Variants in SAMD5 observed in about 807,000 individuals in gnomAD.
SAMD5 encodes sterile alpha motif domain-containing protein 5.
Under a neutral mutation model 11.3 loss-of-function variants are expected in SAMD5, and 13 were observed. That is an observed-to-expected ratio of 1.15 (90% CI 0.75 to 1.83). SAMD5 has a LOEUF of 1.83. SAMD5 is among the 40% of genes most tolerant of loss of function. SAMD5 has a pLI of 0.00. For synonymous variants in SAMD5, 129 were observed against 111.3 expected (o/e 1.16, Z -1.00); for missense variants, 255 against 239.1 (o/e 1.07, Z -0.44).
chr6:147,668,242 A>C (rs1008241217), intron 1 of SAMD5, among the ~76,000 whole-genome samples: 1 of 152,208 alleles, frequency 6.6e-6, no homozygotes, highest in East Asian at 1.9e-4. Context: ...ACGTATGTAG[A>C]TCAGAAATAG....
the SAMD5 span, among the ~76,000 whole-genome samples, chr6:147,767,555 C>T: frequency 6.7e-5 from 10 of 149,458 alleles, no homozygotes; most frequent in African/African-American, 5.0e-5. Flanking sequence ...ATGAGTTTGT[C>T]GGGGTGGGGA....
chr6:147,866,840 A>G, the SAMD5 span, among the ~76,000 whole-genome samples: 2 of 152,214 alleles, frequency 1.3e-5, no homozygotes, highest in African/African-American at 4.8e-5. Context: ...AGAGAAGGGC[A>G]CAGTAGCATT....
At chr6:147,904,409 C>A in the SAMD5 span, among the ~76,000 whole-genome samples, 5 of 152,204 alleles carry the variant, frequency 3.3e-5, no homozygotes, top group Non-Finnish European at 7.3e-5. Flanking sequence ...GATGGCAGAG[C>A]CAGTGCCTAG....
chr6:147,949,499 G>A, the SAMD5 span, among the ~76,000 whole-genome samples: 1 of 152,138 alleles, frequency 6.6e-6, no homozygotes, highest in African/African-American at 2.4e-5. Context: ...CACTTTATTT[G>A]GGATAAAGTC....
At chr6:147,708,703 A>G (rs2128458343) in intron 1 of SAMD5, among the ~76,000 whole-genome samples, 1 of 152,342 alleles carries the variant, frequency 6.6e-6, no homozygotes, top group South Asian at 2.1e-4. Flanking sequence ...CTGCAAACAT[A>G]AGAGCATTTA....
At chr6:147,896,755 A>ACAAACAAAC in the SAMD5 span, among the ~76,000 whole-genome samples, 91 of 142,462 alleles carry the variant, frequency 6.4e-4, 2 homozygotes, top group African/African-American at 2.5e-3. Context: ...AAAAAAAAAA[A>ACAAACAAAC]AAAAAAAACG....
At chr6:147,602,900 C>T (rs113721244) in intron 1 of SAMD5, among the ~76,000 whole-genome samples, 1,570 of 152,004 alleles carry the variant, frequency 0.01, 14 homozygotes, top group Middle Eastern at 0.027. Context: ...TGTGTGGTTG[C>T]GGAGGCTGAG....
chr6:147,828,883 A>C, the SAMD5 span, among the ~76,000 whole-genome samples: 19 of 152,318 alleles, frequency 1.2e-4, no homozygotes, highest in East Asian at 3.5e-3. Context: ...CTGAAGACAC[A>C]AAGGTACCAT....
chr6:147,915,047 G>T, the SAMD5 span, among the ~76,000 whole-genome samples: 1 of 152,124 alleles, frequency 6.6e-6, no homozygotes, highest in Non-Finnish European at 1.5e-5. Context: ...CCCTAGACTA[G>T]GTCCTGTACT....
chr6:147,907,821 G>C, the SAMD5 span, among the ~76,000 whole-genome samples: 2 of 152,140 alleles, frequency 1.3e-5, no homozygotes, highest in Non-Finnish European at 2.9e-5. Context: ...TTTCAGTTGT[G>C]CTATTATTCT....
At chr6:147,874,560 C>T in the SAMD5 span, among the ~76,000 whole-genome samples, 4 of 151,588 alleles carry the variant, frequency 2.6e-5, no homozygotes, top group African/African-American at 9.7e-5. Context: ...AGCATTTGGC[C>T]GAGTAGTCAT....
the SAMD5 span, among the ~76,000 whole-genome samples, chr6:147,744,875 G>T: frequency 1.7e-5 from 2 of 117,304 alleles, no homozygotes; most frequent in African/African-American, 8.2e-5. Flanking sequence ...TCCAGCCTGG[G>T]CAACAGAGTA....
chr6:147,796,798 G>C, the SAMD5 span, among the ~76,000 whole-genome samples: 1 of 151,336 alleles, frequency 6.6e-6, no homozygotes, highest in South Asian at 2.1e-4. Flanking sequence ...TTGTAAGTTG[G>C]ATTCCTAGGT....
the SAMD5 span, among the ~76,000 whole-genome samples, chr6:147,864,094 G>C: frequency 5.3e-5 from 8 of 151,826 alleles, no homozygotes; most frequent in South Asian, 1.5e-3. Context: ...AACCCACTTC[G>C]GTCTCCCAAA....
At chr6:147,923,898 C>T in the SAMD5 span, among the ~76,000 whole-genome samples, 2 of 152,202 alleles carry the variant, frequency 1.3e-5, no homozygotes, top group East Asian at 3.9e-4. Context: ...CCATCTTGCA[C>T]AAGTCTTTCT....
At chr6:147,672,008 T>C (rs1409610725) in intron 1 of SAMD5, among the ~76,000 whole-genome samples, 1 of 151,648 alleles carries the variant, frequency 6.6e-6, no homozygotes, top group African/African-American at 2.4e-5. Flanking sequence ...GCAGTCTGCA[T>C]TGAATATATA....
At chr6:147,635,562 G>A (rs895215723) in intron 1 of SAMD5, among the ~76,000 whole-genome samples, 1 of 152,156 alleles carries the variant, frequency 6.6e-6, no homozygotes, top group African/African-American at 2.4e-5. Context: ...ATGATGGTTT[G>A]TATCATTGTC....
chr6:147,822,846 AC>A, the SAMD5 span, among the ~76,000 whole-genome samples: 3 of 152,022 alleles, frequency 2.0e-5, no homozygotes, highest in Admixed American at 6.6e-5. Flanking sequence ...ACAGAGTCTC[AC>A]TCTGTCAACA....
intron 1 of SAMD5, among the ~76,000 whole-genome samples, chr6:147,656,852 G>A (rs368378855): frequency 6.6e-5 from 10 of 151,720 alleles, no homozygotes; most frequent in East Asian, 3.9e-4. Flanking sequence ...TAGCAATCCC[G>A]CTTCTAAGAA....
Sources: allele counts gnomAD v4.1 joint callset (sites outside exome capture counted in the v4.1 genomes callset), GRCh38; gene constraint gnomAD v4.1.1; transcripts MANE v1.5; gene names NCBI Gene and HGNC (gene_info 2026-07-23, HGNC 2026-07-21).